Variants in NPAS2 observed in about 807,000 individuals in gnomAD.
NPAS2 encodes the protein neuronal PAS domain-containing protein 2.
In NPAS2, 23 loss-of-function variants were observed where a neutral mutation model predicts 107.5. The observed-to-expected ratio is 0.21, with a 90% CI of 0.15 to 0.30. NPAS2 has a LOEUF of 0.30. NPAS2 is among the 10% of genes least tolerant of loss of function. The pLI is 1.00. For missense variants in NPAS2, 756 were observed against 1,043.3 expected (o/e 0.72, Z 3.79); for synonymous variants, 403 against 417.5 (o/e 0.97, Z 0.42).
At chr2:100,876,435 G>A (rs939056971) in intron 1 of NPAS2, among the ~76,000 whole-genome samples, 2 of 152,208 alleles carry the variant, frequency 1.3e-5, no homozygotes, top group Non-Finnish European at 2.9e-5. Context: ...AACGTAGAAC[G>A]AGGTATCTGT....
At chr2:100,914,460 C>T (rs1056735921) in intron 2 of NPAS2, among the ~76,000 whole-genome samples, 6 of 152,114 alleles carry the variant, frequency 3.9e-5, no homozygotes, top group South Asian at 2.1e-4. Context: ...TGTGCAATGG[C>T]GGATTCCTTT....
intron 1 of NPAS2, among the ~76,000 whole-genome samples, chr2:100,892,571 T>C (rs192538266): frequency 9.2e-5 from 14 of 152,240 alleles, no homozygotes; most frequent in Admixed American, 2.0e-4. Flanking sequence ...GGGCTAGTGT[T>C]AGGATTGGAT....
At chr2:100,851,709 C>A (rs1476095369) in intron 1 of NPAS2, among the ~76,000 whole-genome samples, 1 of 152,212 alleles carries the variant, frequency 6.6e-6, no homozygotes, top group Non-Finnish European at 1.5e-5. Context: ...ATTATATCTA[C>A]AGCATGATCT....
Position 100,996,033 on chromosome 2 carries a change from GATTATTTTTC to G in NPAS2, c.*461_*470del, listed in dbSNP as rs1252245813. The G allele has an allele frequency of 1.7e-5, 18 of 1,059,052 alleles. No individual in the cohort carries two copies. Among genetic ancestry groups the G allele is most frequent in the African/African-American group, 1.7e-5 (1 of 60,436 alleles). The allele number at this position is 1,059,052 out of a possible 1,614,324, so 65.6% of individuals were successfully genotyped here. A position where few individuals can be genotyped will look rare whatever the true frequency, so the allele number is the denominator to read the frequency against. On this transcript the variant is annotated 3_prime_UTR_variant, in exon 21 of 21. Coordinates refer to ENST00000335681, the MANE Select transcript of NPAS2 (RefSeq NM_002518.4). ...ATCTGTTGGAGAGAGAGAATAAAGA[GATTATTTTTC>G]ATTATTTTTAAATGGTTGTTTTTGT...
intron 2 of NPAS2, among the ~76,000 whole-genome samples, chr2:100,920,344 A>G (rs1435828042): frequency 1.3e-5 from 2 of 152,320 alleles, no homozygotes; most frequent in East Asian, 1.9e-4. Context: ...TGATATGGTA[A>G]TTAGCTTAAT....
intron 15 of NPAS2, among the ~76,000 whole-genome samples, chr2:100,979,270 C>T (rs1361346947): frequency 6.6e-6 from 1 of 151,726 alleles, no homozygotes; most frequent in East Asian, 1.9e-4. Context: ...CTGTTTTTCT[C>T]TTTAAATTTC....
chr2:100,820,922 G>A lies in NPAS2; in HGVS notation c.-23+508G>A. 1 of 680,068 alleles carries A rather than the reference G, an allele frequency of 1.5e-6. No homozygotes were observed. The highest frequency in any genetic ancestry group is 2.2e-6 in the Non-Finnish European group (1 of 459,672). 42.1% of individuals were successfully genotyped at this position (680,068 alleles called of 1,614,324 possible). On this transcript the variant is annotated intron_variant, in intron 1 of 20. Coordinates refer to ENST00000335681, the MANE Select transcript of NPAS2 (RefSeq NM_002518.4). The surrounding 1 kb of genome is among the most constrained non-coding windows in gnomAD (Gnocchi z 5.6). ...CGGAATTGGTTCCGGGCCGGATTGG[G>A]TGCGGAATCGGTGCCCCCAACCCCC...
At chr2:100,840,347 G>T (rs1304823406) in intron 1 of NPAS2, among the ~76,000 whole-genome samples, 1 of 152,134 alleles carries the variant, frequency 6.6e-6, no homozygotes, top group East Asian at 1.9e-4. Context: ...GGGACCACGT[G>T]TTTTTTCTCC....
At chr2:100,889,038 C>T (rs1262466365) in intron 1 of NPAS2, among the ~76,000 whole-genome samples, 1 of 152,192 alleles carries the variant, frequency 6.6e-6, no homozygotes, top group African/African-American at 2.4e-5. Flanking sequence ...GGAGAGGGAT[C>T]TAAAACATCT....
At chr2:100,952,018 G>C (rs1024576179) in intron 7 of NPAS2, among the ~76,000 whole-genome samples, 2 of 151,884 alleles carry the variant, frequency 1.3e-5, no homozygotes, top group Non-Finnish European at 2.9e-5. Context: ...GCGTGGTGGT[G>C]GCGGGCGCCT....
chr2:100,903,823 A>G (rs2104769528), intron 1 of NPAS2, among the ~76,000 whole-genome samples: 1 of 152,170 alleles, frequency 6.6e-6, no homozygotes, highest in East Asian at 1.9e-4. Context: ...GGCGCACCCC[A>G]GACAGGTGGG....
chr2:100,886,653 C>T (rs1680717436), intron 1 of NPAS2, among the ~76,000 whole-genome samples: 1 of 152,128 alleles, frequency 6.6e-6, no homozygotes, highest in Admixed American at 6.5e-5. Context: ...GCTAGTTAAG[C>T]AACAGTCACG....
At chr2:100,912,259 A>ATTTATTT (rs869125809) in intron 2 of NPAS2, among the ~76,000 whole-genome samples, 1 of 82,800 alleles carries the variant, frequency 1.2e-5, no homozygotes, top group East Asian at 3.9e-4. Context: ...TTTATTTATT[A>ATTTATTT]TTATTATTTT....
At chr2:100,842,081 G>GCGCGCGCGCGCGCACACACACACA in intron 1 of NPAS2, among the ~76,000 whole-genome samples, 12 of 148,902 alleles carry the variant, frequency 8.1e-5, no homozygotes, top group South Asian at 6.4e-4. Flanking sequence ...GCATGTACGC[G>GCGCGCGCGCGCGCACACACACACA]CACACACACA....
intron 5 of NPAS2, among the ~76,000 whole-genome samples, chr2:100,941,540 G>A (rs889653986): frequency 2.6e-5 from 4 of 152,078 alleles, no homozygotes; most frequent in Admixed American, 6.5e-5. Context: ...CTCAGCCAGG[G>A]TGACAGAGTG....
At chr2:100,871,329 G>GTTTT (rs5832938) in intron 1 of NPAS2, among the ~76,000 whole-genome samples, 1 of 127,532 alleles carries the variant, frequency 7.8e-6, no homozygotes, top group African/African-American at 2.9e-5. Flanking sequence ...CTTCTTCCTT[G>GTTTT]TTTTTTTTTT....
chr2:100,821,469 T>C (rs1255992418), intron 1 of NPAS2, among the ~76,000 whole-genome samples: 1 of 152,128 alleles, frequency 6.6e-6, no homozygotes, highest in African/African-American at 2.4e-5. Context: ...TTCCTACAGG[T>C]AAAACATTGA....
At chr2:100,871,034 C>G (rs1408160579) in intron 1 of NPAS2, among the ~76,000 whole-genome samples, 1 of 152,166 alleles carries the variant, frequency 6.6e-6, no homozygotes, top group African/African-American at 2.4e-5. Flanking sequence ...CCTGGGTGTC[C>G]CATCACACTG....
At chr2:100,857,157 T>G (rs1342607937) in intron 1 of NPAS2, among the ~76,000 whole-genome samples, 1 of 151,990 alleles carries the variant, frequency 6.6e-6, no homozygotes, top group South Asian at 2.1e-4. Context: ...AATACAAAAA[T>G]TAGCCAGGCG....
Sources: gnomAD v4.1 joint callset for allele counts (sites outside exome capture counted in the v4.1 genomes callset) on GRCh38, gnomAD v4.1.1 for gene constraint, Gnocchi (gnomAD v3.1) non-coding constraint, MANE v1.5 for transcripts, NCBI Gene and HGNC (gene_info 2026-07-23, HGNC 2026-07-21) for gene names.